Variants in WAPL observed in about 807,000 individuals in gnomAD.
WAPL encodes the protein WAPL cohesin release factor, also known as wings apart-like protein homolog.
In WAPL, 5 loss-of-function variants were observed where a neutral mutation model predicts 121.0. That is an observed-to-expected ratio of 0.04 (90% confidence interval 0.02 to 0.09). The LOEUF is 0.09. Among genes scored for constraint, WAPL ranks in the 10% least tolerant of loss-of-function variants. The pLI is 1.00. For synonymous variants in WAPL, 480 were observed against 481.5 expected (o/e 1.00, Z 0.04); for missense variants, 999 against 1,410.8 (o/e 0.71, Z 4.68).
intron 14 of WAPL, 138 bp from the exon 15 acceptor site, chr10:86,452,269 T>C (rs1274325379): frequency 2.8e-6 from 2 of 703,802 alleles, no homozygotes; most frequent in Non-Finnish European, 4.3e-6. Flanking sequence ...AAAACCAGTA[T>C]GAAAGGCCAA....
chr10:86,521,474 G>A lies in WAPL; in HGVS notation c.-132C>T, dbSNP rs1842675884. 2 of 329,450 alleles carry A rather than the reference G, an allele frequency of 6.1e-6. No homozygotes were observed. Among genetic ancestry groups the A allele is most frequent in the Admixed American group, 5.1e-5 (1 of 19,764 alleles). The allele number at this position is 329,450 out of a possible 1,614,324, so 20.4% of individuals were successfully genotyped here. A position where few individuals can be genotyped will look rare whatever the true frequency, so the allele number is the denominator to read the frequency against. On this transcript the variant is annotated 5_prime_UTR_variant, in exon 1 of 19. Transcript: ENST00000298767. ...GCGCGGGAGAGCAGGGCCGGCAGGT[G>A]AGAGCCGAGAGAGGCGAGGGACTCT...
intron 12 of WAPL, among the ~76,000 whole-genome samples, chr10:86,455,061 G>C (rs1174693982): frequency 6.6e-6 from 1 of 150,422 alleles, no homozygotes; most frequent in Admixed American, 6.6e-5. Context: ...CGTCCGGGAG[G>C]GAGGTGGGGG....
At chr10:86,493,663 T>C (rs930053305) in intron 4 of WAPL, among the ~76,000 whole-genome samples, 2 of 151,532 alleles carry the variant, frequency 1.3e-5, no homozygotes, top group African/African-American at 4.9e-5. Flanking sequence ...CCAAGTAGCT[T>C]GGACTACAAC....
chr10:86,485,717 A>C lies in WAPL; in HGVS notation c.1644+11484T>G, dbSNP rs564675911. On this transcript the variant is annotated intron_variant, in intron 4 of 18. Coordinates refer to ENST00000298767, the MANE Select transcript of WAPL (RefSeq NM_015045.5). ...AATTACCTGGTTTAATATTTAAGTT[A>C]AATACTACCTATATAAAAGGAAGCA... Among the ~76,000 whole-genome samples the C allele has an allele frequency of 5.5e-5, 7 of 127,646 alleles. No homozygotes were observed. In the South Asian group the frequency reaches 1.5e-3, roughly 27 times the overall value. 83.7% of individuals were successfully genotyped at this position (127,646 alleles called of 152,430 possible).
intron 9 of WAPL, among the ~76,000 whole-genome samples, chr10:86,461,542 T>C (rs1841275417): frequency 6.6e-6 from 1 of 152,244 alleles, no homozygotes; most frequent in Non-Finnish European, 1.5e-5. Flanking sequence ...TACTCTTATT[T>C]CTACAGTATA....
chr10:86,515,864 CT>C (rs377683656), intron 2 of WAPL, among the ~76,000 whole-genome samples: 47 of 101,144 alleles, frequency 4.6e-4, no homozygotes, highest in African/African-American at 1.4e-3. Context: ...CTGTCTATGC[CT>C]TTTTTTTTTT....
rs1198472259 is a variant in WAPL at position 86,517,872 on chromosome 10, T to C, written c.198A>G (p.Glu66=). 6.2e-7 allele frequency: 1 copy of C among 1,614,156 alleles called. No homozygotes were observed. Among genetic ancestry groups the C allele is most frequent in the Non-Finnish European group, 8.5e-7 (1 of 1,179,990 alleles). ...ATCCAAAAGGATCTCCAGTACTTTC[T>C]TCTTCCACTTTAGGTTTCTTCGGAA... The part of the protein sequence containing the change: ...QEIPKKPKVE[E]ESTGDPFGFD... Residue 66 remains glutamate (E), a synonymous_variant, in exon 2 of 19, where the codon GAA becomes GAG. Coordinates refer to ENST00000298767, the MANE Select transcript of WAPL (RefSeq NM_015045.5).
Position 86,521,666 on chromosome 10 carries a change from C to T in WAPL, c.-324G>A. 2.2e-6 allele frequency: 1 copy of T among 463,580 alleles called. No homozygotes were observed. The highest frequency in any genetic ancestry group is 4.5e-6 in the Non-Finnish European group (1 of 224,406). The allele number at this position is 463,580 out of a possible 1,614,324, so 28.7% of individuals were successfully genotyped here. On this transcript the variant is annotated 5_prime_UTR_variant, in exon 1 of 19. Coordinates refer to ENST00000298767, the MANE Select transcript of WAPL (RefSeq NM_015045.5). ...TGTGCCCCCGCTGGGCCGCCGCCGC[C>T]TCCTGCGCCGCCGCTTCCGCCGGTG...
chr10:86,444,521 A>G (rs1343637257), intron 16 of WAPL, among the ~76,000 whole-genome samples: 2 of 152,244 alleles, frequency 1.3e-5, no homozygotes, highest in African/African-American at 4.8e-5. Context: ...ATACTGTATC[A>G]CGGATGAACT....
chr10:86,488,582 G>C (rs1841975472), intron 4 of WAPL: 1 of 152,248 alleles, frequency 6.6e-6, no homozygotes, highest in South Asian at 2.1e-4. Flanking sequence ...ATGCAAAATA[G>C]TGGGACACAT....
At chr10:86,489,587 G>A (rs1174834033) in intron 4 of WAPL, among the ~76,000 whole-genome samples, 8 of 152,140 alleles carry the variant, frequency 5.3e-5, no homozygotes, top group Non-Finnish European at 7.4e-5. Flanking sequence ...TAACAACAAG[G>A]CAAGAGGGGG....
At chr10:86,509,931 A>C (rs537869293) in intron 2 of WAPL, among the ~76,000 whole-genome samples, 2 of 151,558 alleles carry the variant, frequency 1.3e-5, no homozygotes, top group South Asian at 4.2e-4. Flanking sequence ...TGCCTGGCTA[A>C]TTTTTGTTAT....
chr10:86,459,199 T>G (rs1259416923), intron 11 of WAPL, 134 bp from the exon 12 acceptor site: 2 of 637,418 alleles, frequency 3.1e-6, no homozygotes, highest in Non-Finnish European at 5.2e-6. Flanking sequence ...GGGAATAATT[T>G]CACAACCTAC....
rs1589513116 is a variant in WAPL at position 86,472,080 on chromosome 10, A to G, written c.2030+128T>C. The G allele has an allele frequency of 9.2e-6, 7 of 762,556 alleles. No individual in the cohort carries two copies. Among genetic ancestry groups the G allele is most frequent in the South Asian group, 3.5e-5 (1 of 28,380 alleles). The allele number at this position is 762,556 out of a possible 1,614,324, so 47.2% of individuals were successfully genotyped here. On this transcript the variant is annotated intron_variant, in intron 7 of 18. Coordinates refer to ENST00000298767, the MANE Select transcript of WAPL (RefSeq NM_015045.5). The surrounding 1 kb of genome is among the most constrained non-coding windows in gnomAD (Gnocchi z 4.2). ...ATAAAGAAATGGATAGCATTTTAAC[A>G]TATCACTGGCTATACATACTACCCC...
intron 2 of WAPL, 111 bp downstream of exon 2, chr10:86,517,458 ATG>A: frequency 7.3e-7 from 1 of 1,373,958 alleles, no homozygotes; most frequent in Non-Finnish European, 9.6e-7. Context: ...AATGGTCCCC[ATG>A]TATCATAAGT....
At chr10:86,492,562 T>G (rs942656714) in intron 4 of WAPL, among the ~76,000 whole-genome samples, 1 of 152,120 alleles carries the variant, frequency 6.6e-6, no homozygotes, top group Non-Finnish European at 1.5e-5. Flanking sequence ...ATGTAAAGCA[T>G]CATACACAAT....
chr10:86,444,557 A>C (rs1213128558), intron 16 of WAPL, among the ~76,000 whole-genome samples: 1 of 152,192 alleles, frequency 6.6e-6, no homozygotes, highest in Admixed American at 6.5e-5. Context: ...TGGCTGAAAG[A>C]AGCCAGTCAT....
intron 2 of WAPL, among the ~76,000 whole-genome samples, chr10:86,506,790 T>TA (rs1004930902): frequency 1.2e-4 from 18 of 151,384 alleles, no homozygotes; most frequent in African/African-American, 3.6e-4. Flanking sequence ...ACCTTGTTTC[T>TA]AAAAAAAATT....
chr10:86,504,264 T>C (rs969815777), intron 2 of WAPL, among the ~76,000 whole-genome samples: 2 of 151,234 alleles, frequency 1.3e-5, no homozygotes, highest in African/African-American at 4.9e-5. Context: ...TTATGAAGGA[T>C]ACTCAATTTC....
Sources: gnomAD v4.1 joint callset for allele counts (sites outside exome capture counted in the v4.1 genomes callset) on GRCh38, gnomAD v4.1.1 for gene constraint, Gnocchi (gnomAD v3.1) non-coding constraint, MANE v1.5 for transcripts, NCBI Gene and HGNC (gene_info 2026-07-23, HGNC 2026-07-21) for gene names.